The following ATP2B1 variants were observed in gnomAD, a reference collection of about 807,000 sequenced individuals.
ATP2B1 encodes the protein ATPase plasma membrane Ca2+ transporting 1.
Under a neutral mutation model 124.2 loss-of-function variants are expected in ATP2B1, and 14 were observed. The observed-to-expected ratio is 0.11, with a 90% confidence interval of 0.07 to 0.18. ATP2B1 has a LOEUF of 0.18. Among genes scored for constraint, ATP2B1 ranks in the 10% least tolerant of loss-of-function variants. The probability of loss-of-function intolerance (pLI) is 1.00; values close to 1 mark genes in which losing one functional copy is unlikely to be tolerated. For synonymous variants in ATP2B1, 449 were observed against 492.4 expected, an observed-to-expected ratio of 0.91 and a Z score of 1.17; for missense variants, 763 against 1,466.1, an observed-to-expected ratio of 0.52 and a Z score of 7.83.
Position 89,617,015 on chromosome 12 carries a change from A to G in ATP2B1, c.1854T>C (p.Asn618=), listed in dbSNP as rs1312097745. ...LKKCFKILSA[N]GEAKVFRPRD... ...TTGGTCTGAATACTTTTGCCTCACCATTAGCACTCAAGATTTTGAAACACC... is the reference window on the plus strand; with the variant it reads ...TTGGTCTGAATACTTTTGCCTCACCGTTAGCACTCAAGATTTTGAAACACC... The change falls in exon 12 of 21, where the codon AAT becomes AAC. Residue 618 remains asparagine, a synonymous_variant. Transcript: ENST00000428670. 2.5e-6 allele frequency: 4 copies of G among 1,613,978 alleles called. 1 individual carries two copies. In the South Asian group the frequency reaches 4.4e-5, roughly 18 times the overall value.
At chr12:89,669,032 TCTA>T (rs1887621764) in intron 1 of ATP2B1, among the ~76,000 whole-genome samples, 1 of 152,250 alleles carries the variant, frequency 6.6e-6, no homozygotes, top group African/African-American at 2.4e-5. Flanking sequence ...TTTTTGAGCT[TCTA>T]CAACACACTC....
intron 1 of ATP2B1, among the ~76,000 whole-genome samples, chr12:89,681,815 CTTAA>C (rs1445010343): frequency 6.6e-6 from 1 of 152,062 alleles, no homozygotes; most frequent in Admixed American, 6.6e-5. Context: ...AGTCAATTAT[CTTAA>C]TTAATGGGGA....
chr12:89,689,279 A>G (rs1298404112), intron 1 of ATP2B1, among the ~76,000 whole-genome samples: 4 of 152,114 alleles, frequency 2.6e-5, no homozygotes, highest in Non-Finnish European at 5.9e-5. Flanking sequence ...AATACTTAGG[A>G]CACTCATACT....
At chr12:89,607,763 A>G (rs1413491297) in intron 15 of ATP2B1, among the ~76,000 whole-genome samples, 1 of 152,148 alleles carries the variant, frequency 6.6e-6, no homozygotes, top group Non-Finnish European at 1.5e-5. Context: ...GTTACACTAT[A>G]TTATTTAGGG....
At chr12:89,625,479 G>T (rs769475747) in intron 8 of ATP2B1, among the ~76,000 whole-genome samples, 1 of 151,616 alleles carries the variant, frequency 6.6e-6, no homozygotes, top group Non-Finnish European at 1.5e-5. Flanking sequence ...AGCTACTTCG[G>T]GGGTGGAGGC....
intron 1 of ATP2B1, among the ~76,000 whole-genome samples, chr12:89,684,158 AAAT>A (rs1408280401): frequency 6.6e-6 from 1 of 152,230 alleles, no homozygotes. Context: ...AGAAACACAG[AAAT>A]AATAAATCAA....
chr12:89,660,926 T>C (rs1454512076), intron 1 of ATP2B1, among the ~76,000 whole-genome samples: 2 of 152,142 alleles, frequency 1.3e-5, no homozygotes, highest in African/African-American at 2.4e-5. Context: ...AAATGTTAAG[T>C]CAAATTTTGA....
intron 1 of ATP2B1, among the ~76,000 whole-genome samples, chr12:89,674,829 CCTCT>C (rs1186214678): frequency 1.3e-5 from 2 of 152,122 alleles, no homozygotes. Flanking sequence ...TGGAACCACA[CCTCT>C]CTGAGACAAT....
At chr12:89,666,952 T>C (rs1471856394) in intron 1 of ATP2B1, among the ~76,000 whole-genome samples, 11 of 152,072 alleles carry the variant, frequency 7.2e-5, no homozygotes, top group Non-Finnish European at 1.6e-4. Flanking sequence ...AAGACCATTT[T>C]TCTCCACCCA....
In ATP2B1 at chr12:89,675,656, T is replaced by C. The variant is rs545827100; in HGVS notation, c.-221-19549A>G. 7.2e-5 allele frequency among the ~76,000 whole-genome samples: 11 copies of C among 152,240 alleles called. No homozygotes were observed. In the South Asian group the frequency reaches 2.3e-3, roughly 32 times the overall value. On this transcript the variant is annotated intron_variant, in intron 1 of 20. Transcript: ENST00000428670. ...GTCATATAACTTACAATTGAAGCAA[T>C]GAAGTGCTTTTACTACATTCCAAAA... is the stretch of plus-strand genomic sequence containing the variant.
At chr12:89,645,517 T>C (rs894285090) in intron 2 of ATP2B1, among the ~76,000 whole-genome samples, 5 of 152,076 alleles carry the variant, frequency 3.3e-5, no homozygotes, top group Admixed American at 1.3e-4. Flanking sequence ...AAAGGGCCAA[T>C]AGAACTCTCT....
chr12:89,701,561 G>A (rs1891856324), intron 1 of ATP2B1, among the ~76,000 whole-genome samples: 1 of 152,102 alleles, frequency 6.6e-6, no homozygotes, highest in African/African-American at 2.4e-5. Flanking sequence ...TTTTACCTTT[G>A]GAATTTTAAC....
chr12:89,593,160 G>A (rs569046815), intron 20 of ATP2B1, among the ~76,000 whole-genome samples: 5 of 151,894 alleles, frequency 3.3e-5, no homozygotes, highest in Non-Finnish European at 7.4e-5. Flanking sequence ...TAAATATAAC[G>A]TTATAGTAAT....
chr12:89,701,872 G>GA (rs148124998), intron 1 of ATP2B1, among the ~76,000 whole-genome samples: 3,003 of 152,136 alleles, frequency 0.02, 93 homozygotes, highest in African/African-American at 0.067. Context: ...CAGGTGAGAG[G>GA]AAAAACACAT....
chr12:89,636,240 G>C (rs1024574750), intron 3 of ATP2B1, among the ~76,000 whole-genome samples: 1 of 151,932 alleles, frequency 6.6e-6, no homozygotes, highest in Middle Eastern at 3.2e-3. Flanking sequence ...AGGGGGGAGA[G>C]AATGAGCCAA....
rs763213124 is a variant in ATP2B1, at chr12:89,670,385, CA to C, written c.-221-14279del. Among the ~76,000 whole-genome samples the C allele has an allele frequency of 1.0e-3, 112 of 108,036 alleles. 1 individual carries two copies. Among genetic ancestry groups the C allele is most frequent in the Admixed American group, 2.0e-3 (22 of 10,780 alleles). The allele number at this position is 108,036 out of a possible 152,430, so 70.9% of individuals were successfully genotyped here. ...AATAAAACCGAATTTTTTTTTTTTT[CA>C]ATTGTTACGCATTCTGACTTTTTGT... is the stretch of plus-strand genomic sequence containing the variant. On this transcript the variant is annotated intron_variant, in intron 1 of 20. Transcript: ENST00000428670.
intron 1 of ATP2B1, among the ~76,000 whole-genome samples, chr12:89,681,662 A>G (rs1889368252): frequency 6.6e-6 from 1 of 152,210 alleles, no homozygotes; most frequent in East Asian, 1.9e-4. Flanking sequence ...ATTTCTGCAA[A>G]TAGTCTCCAA....
In ATP2B1 at chr12:89,621,758, G is replaced by C. The variant is rs1879992269; in HGVS notation, c.1378C>G (p.Leu460Val). 1 of 1,589,052 alleles carries C rather than the reference G, an allele frequency of 6.3e-7. No individual in the cohort carries two copies. Among genetic ancestry groups the C allele is most frequent in the Non-Finnish European group, 8.6e-7 (1 of 1,169,116 alleles). ...TTTCCCATGGTTTCACAAGCATCCA[G>C]ATGCCTTACTAAGTTATTATCTTTC... ...MMKDNNLVRH[L>V]DACETMGNAT... Residue 460 changes from leucine to valine, a missense_variant, in exon 10 of 21, where the codon CTG becomes GTG. By Grantham distance (32) the Leu-to-Val change is conservative (BLOSUM62 1). Coordinates refer to ENST00000428670, the MANE Select transcript of ATP2B1 (RefSeq NM_001366521.1).
At chr12:89,689,923 G>C (rs779725580) in intron 1 of ATP2B1, among the ~76,000 whole-genome samples, 1 of 152,060 alleles carries the variant, frequency 6.6e-6, no homozygotes. Context: ...GGTCTGAATT[G>C]AATTCCTACT....
Sources: allele counts gnomAD v4.1 joint callset (sites outside exome capture counted in the v4.1 genomes callset), GRCh38; gene constraint gnomAD v4.1.1; transcripts MANE v1.5; gene names NCBI Gene and HGNC (gene_info 2026-07-23, HGNC 2026-07-21).